PDLIM1: variants seen among roughly 807,000 people sequenced by gnomAD.
PDLIM1 encodes the protein PDZ and LIM domain 1.
In PDLIM1, 25 loss-of-function variants were observed where a neutral mutation model predicts 35.2. The observed-to-expected ratio is 0.71, with a 90% confidence interval of 0.52 to 0.99. PDLIM1 has a LOEUF of 0.99. PDLIM1 is among the 50% of genes least tolerant of loss of function. PDLIM1 has a pLI of 0.00. For synonymous variants in PDLIM1, 152 were observed against 154.0 expected (o/e 0.99, Z 0.10); for missense variants, 363 against 415.3 (o/e 0.87, Z 1.09).
intron 4 of PDLIM1, among the ~76,000 whole-genome samples, chr10:95,250,899 G>T (rs139186667): frequency 6.6e-6 from 1 of 152,274 alleles, no homozygotes; most frequent in Non-Finnish European, 1.5e-5. Context: ...TGACCTGAGG[G>T]CCCCAGGGTT....
At chr10:95,250,802 A>T (rs1276164918) in intron 4 of PDLIM1, among the ~76,000 whole-genome samples, 1 of 152,226 alleles carries the variant, frequency 6.6e-6, no homozygotes, top group African/African-American at 2.4e-5. Context: ...TACGTTACAC[A>T]AAGTTTCCTA....
intron 1 of PDLIM1, among the ~76,000 whole-genome samples, chr10:95,272,285 T>C (rs2035471678): frequency 6.6e-6 from 1 of 152,194 alleles, no homozygotes; most frequent in Non-Finnish European, 1.5e-5. Context: ...TTAATAATGT[T>C]ATATATACAA....
chr10:95,290,758 C>CGGGCAGGACGCGCGGAACAGCTTG lies in PDLIM1; in HGVS notation c.96+61_96+62insCAAGCTGTTCCGCGCGTCCTGCCC. On this transcript the variant is annotated intron_variant, in intron 1 of 6. Transcript: ENST00000329399. The surrounding 1 kb of genome is among the most constrained non-coding windows in gnomAD (Gnocchi z 4.7). Reference sequence around the variant, plus strand: ...CGTCCCCGACCGCGCCCGCGGGGCCCCAGTCTCCGCATATCACCTCCCATA... The same window carrying CGGGCAGGACGCGCGGAACAGCTTG: ...CGTCCCCGACCGCGCCCGCGGGGCCCGGGCAGGACGCGCGGAACAGCTTGCAGTCTCCGCATATCACCTCCCATA... 8.3e-7 allele frequency: 1 copy of CGGGCAGGACGCGCGGAACAGCTTG among 1,211,266 alleles called. No individual in the cohort carries two copies. Among genetic ancestry groups the CGGGCAGGACGCGCGGAACAGCTTG allele is most frequent in the Non-Finnish European group, 1.1e-6 (1 of 879,360 alleles). 75.0% of individuals were successfully genotyped at this position (1,211,266 alleles called of 1,614,324 possible).
intron 1 of PDLIM1, among the ~76,000 whole-genome samples, chr10:95,283,564 G>A (rs7921287): frequency 0.24 from 36,250 of 152,156 alleles, 5,454 homozygotes; most frequent in African/African-American, 0.41. Flanking sequence ...TGCTACGTGT[G>A]CGGAAAAAGT....
chr10:95,273,681 T>C (rs1473599459), intron 1 of PDLIM1, among the ~76,000 whole-genome samples: 10 of 152,188 alleles, frequency 6.6e-5, no homozygotes, highest in Non-Finnish European at 2.9e-5. Flanking sequence ...AGCCTCCTGA[T>C]TCAAGGTTCA....
At position 95,272,102 on chromosome 10, in the gene PDLIM1, T is replaced by G. The variant is rs45453799; in HGVS notation, c.97-318A>C. On this transcript the variant is annotated intron_variant, in intron 1 of 6. Transcript: ENST00000329399. ...AACTAGTATATTATTATATTACTGG[T>G]CCTCCAACTAGTGTATTACTGAGCC... Among the ~76,000 whole-genome samples, 1,319 of 152,160 alleles carry G rather than the reference T, an allele frequency of 8.7e-3. 26 individuals are homozygous for G. Among genetic ancestry groups the G allele is most frequent in the African/African-American group, 0.03 (1,258 of 41,494 alleles).
At chr10:95,258,830 A>G (rs1315383164) in intron 4 of PDLIM1, among the ~76,000 whole-genome samples, 1 of 152,202 alleles carries the variant, frequency 6.6e-6, no homozygotes, top group Non-Finnish European at 1.5e-5. Flanking sequence ...TAACACAATA[A>G]AAAAAGACAA....
chr10:95,238,341 C>G (rs1316976905), intron 6 of PDLIM1, among the ~76,000 whole-genome samples: 1 of 134,044 alleles, frequency 7.5e-6, no homozygotes, highest in East Asian at 2.0e-4. Flanking sequence ...ACAGGGCAGC[C>G]CTGATTTTTC....
rs113032402 is a variant in PDLIM1, at chr10:95,238,112, C to A, written c.804-1G>T. ...GTCCCGCAGCTTCACAAACACACCA[C>A]TACAGAAGCAAGGGAGGGAAGGGAC... On this transcript the variant is annotated splice_acceptor_variant, in intron 6 of 6. Coordinates refer to ENST00000329399, the MANE Select transcript of PDLIM1 (RefSeq NM_020992.4). LOFTEE classifies it high-confidence loss of function. 6.2e-7 allele frequency: 1 copy of A among 1,609,328 alleles called. No homozygotes were observed. Among genetic ancestry groups the A allele is most frequent in the Non-Finnish European group, 8.5e-7 (1 of 1,176,082 alleles).
rs1288253961 is a variant in PDLIM1 at position 95,273,388 on chromosome 10, G to C, written c.97-1604C>G. ...AGTTGGGTCCTAAACCTCAGTATCT[G>C]ATGCAGTTTTCAGCAGCTACAGTTT... On this transcript the variant is annotated intron_variant, in intron 1 of 6. Coordinates refer to ENST00000329399, the MANE Select transcript of PDLIM1 (RefSeq NM_020992.4). 2.0e-5 allele frequency: 3 copies of C among 152,184 alleles called. No homozygotes were observed. In the East Asian group the frequency reaches 5.8e-4, roughly 29 times the overall value. 9.4% of individuals were successfully genotyped at this position (152,184 alleles called of 1,614,324 possible).
intron 1 of PDLIM1, among the ~76,000 whole-genome samples, chr10:95,282,427 T>C (rs527781346): frequency 6.6e-6 from 1 of 152,334 alleles, no homozygotes; most frequent in South Asian, 2.1e-4. Flanking sequence ...AACCATTTTC[T>C]CAGGGAAATG....
intron 4 of PDLIM1, among the ~76,000 whole-genome samples, chr10:95,259,989 G>A (rs1273844152): frequency 6.6e-6 from 1 of 152,218 alleles, no homozygotes; most frequent in Non-Finnish European, 1.5e-5. Context: ...CCACAGCAAA[G>A]TCTTCTCCAT....
chr10:95,262,123 G>GCCC (rs1468588823), intron 4 of PDLIM1, among the ~76,000 whole-genome samples: 5 of 152,174 alleles, frequency 3.3e-5, no homozygotes, highest in African/African-American at 1.2e-4. Flanking sequence ...CTGGGGAGGG[G>GCCC]AGGGGTGACT....
At position 95,290,881 on chromosome 10, in the gene PDLIM1, C is replaced by T. The variant is rs1251913744; in HGVS notation, c.35G>A (p.Gly12Glu). The T allele has an allele frequency of 6.4e-7, 1 of 1,564,446 alleles. No homozygotes were observed. The highest frequency in any genetic ancestry group is 8.7e-7 in the Non-Finnish European group (1 of 1,155,112). ...TTQQIDLQGPGPWGFRLVGGK... is the reference protein window; with the variant it reads ...TTQQIDLQGPEPWGFRLVGGK... ...GCCCACGAGGCGGAAGCCCCACGGC[C>T]CCGGGCCCTGGAGGTCTATCTGCTG... The change falls in exon 1 of 7, where the codon GGG becomes GAG. Residue 12 changes from glycine to glutamate, a missense_variant. Physicochemically the swap from Gly to Glu is moderately conservative, Grantham distance 98 (BLOSUM62 -2). Transcript: ENST00000329399. This position sits in a 1 kb window ranked among gnomAD's most constrained non-coding sequence, Gnocchi z 4.7.
At chr10:95,265,222 AAT>A (rs1332610670) in intron 3 of PDLIM1, among the ~76,000 whole-genome samples, 1 of 152,192 alleles carries the variant, frequency 6.6e-6, no homozygotes, top group Non-Finnish European at 1.5e-5. Flanking sequence ...AAAAAAAAAA[AAT>A]CATGAAAACT....
chr10:95,278,498 C>A (rs1231375519), intron 1 of PDLIM1, among the ~76,000 whole-genome samples: 1 of 151,862 alleles, frequency 6.6e-6, no homozygotes, highest in Non-Finnish European at 1.5e-5. Context: ...GTGCTAGAAC[C>A]AACAAGGTAG....
rs1400179407 is a variant in PDLIM1 at position 95,290,375 on chromosome 10, C to G, written c.96+445G>C. Among the ~76,000 whole-genome samples the G allele has an allele frequency of 6.6e-6, 1 of 152,006 alleles. No homozygotes were observed. Among genetic ancestry groups the G allele is most frequent in the African/African-American group, 2.4e-5 (1 of 41,378 alleles). On this transcript the variant is annotated intron_variant, in intron 1 of 6. Coordinates refer to ENST00000329399, the MANE Select transcript of PDLIM1 (RefSeq NM_020992.4). This position sits in a 1 kb window ranked among gnomAD's most constrained non-coding sequence, Gnocchi z 4.7. ...TTTTAGGTTAATCCCACTTGCCCCC[C>G]ACCCCAGTAAACTTCCCACCCACCC...
At chr10:95,256,986 A>AAAGAAAGAAGAAAGAAAGAAAGAAAG (rs60806315) in intron 4 of PDLIM1, among the ~76,000 whole-genome samples, 5 of 61,658 alleles carry the variant, frequency 8.1e-5, no homozygotes, top group Admixed American at 2.0e-4. Context: ...AAAAAAAAAA[A>AAAGAAAGAAGAAAGAAAGAAAGAAAG]AAAGAAAGAA....
At chr10:95,242,679 A>C (rs2035188779) in intron 5 of PDLIM1, among the ~76,000 whole-genome samples, 2 of 72,900 alleles carry the variant, frequency 2.7e-5, no homozygotes, top group Admixed American at 1.6e-4. Flanking sequence ...CAGAGGTCTC[A>C]AAAAAAAAAA....
Sources: allele counts gnomAD v4.1 joint callset (sites outside exome capture counted in the v4.1 genomes callset), GRCh38; gene constraint gnomAD v4.1.1; non-coding constraint Gnocchi (gnomAD v3.1); transcripts MANE v1.5; gene names NCBI Gene and HGNC (gene_info 2026-07-23, HGNC 2026-07-21).